The following HOOK3 variants were observed in gnomAD, a reference collection of about 807,000 sequenced individuals.
The protein encoded by HOOK3 is hook microtubule tethering protein 3, also known as protein Hook homolog 3.
Under a neutral mutation model 116.3 loss-of-function variants are expected in HOOK3, and 24 were observed. The ratio of observed to expected loss-of-function variants is 0.21; its 90% CI spans 0.15 to 0.29. The LOEUF (loss-of-function observed/expected upper bound fraction) is 0.29. Ranked by LOEUF, HOOK3 falls within the 10% of genes least tolerant of loss-of-function variation. The probability of loss-of-function intolerance (pLI) is 1.00; values close to 1 mark genes in which losing one functional copy is unlikely to be tolerated. For missense variants in HOOK3, 632 were observed against 830.2 expected (o/e 0.76, Z 2.93); for synonymous variants, 275 against 283.0 (o/e 0.97, Z 0.28).
intron 7 of HOOK3, among the ~76,000 whole-genome samples, chr8:42,958,599 T>A (rs976961345): frequency 7.0e-6 from 1 of 142,662 alleles, no homozygotes; most frequent in Non-Finnish European, 1.5e-5. Context: ...TTTGATAGTT[T>A]TTTTTTTTTT....
At chr8:42,993,827 T>C (rs1809214010) in intron 15 of HOOK3, among the ~76,000 whole-genome samples, 3 of 152,188 alleles carry the variant, frequency 2.0e-5, no homozygotes. Flanking sequence ...TTTGAATTTC[T>C]CCGGTATCAG....
At chr8:42,967,808 G>C (rs1808658943) in intron 10 of HOOK3, among the ~76,000 whole-genome samples, 1 of 151,230 alleles carries the variant, frequency 6.6e-6, no homozygotes, top group Non-Finnish European at 1.5e-5. Context: ...GCCCTCTCCT[G>C]CTTGGTTTCC....
intron 13 of HOOK3, among the ~76,000 whole-genome samples, chr8:42,979,036 T>C (rs1808883013): frequency 6.6e-6 from 1 of 152,244 alleles, no homozygotes; most frequent in Middle Eastern, 3.4e-3. Flanking sequence ...GGAAGGAAGA[T>C]TTCTTGAGTC....
intron 11 of HOOK3, among the ~76,000 whole-genome samples, chr8:42,972,558 C>T (rs369514735): frequency 6.6e-6 from 1 of 152,134 alleles, no homozygotes; most frequent in Non-Finnish European, 1.5e-5. Context: ...ACATGTGCCA[C>T]CACACCCAGC....
At chr8:42,948,689 G>T (rs180761706) in intron 5 of HOOK3, among the ~76,000 whole-genome samples, 62 of 152,226 alleles carry the variant, frequency 4.1e-4, no homozygotes, top group Non-Finnish European at 7.5e-4. Context: ...CATAGCCTTT[G>T]AATTCTGTGT....
intron 6 of HOOK3, 125 bp from the exon 7 acceptor site, chr8:42,956,969 A>G: frequency 2.0e-6 from 1 of 490,536 alleles, no homozygotes; most frequent in East Asian, 3.4e-5. Context: ...AGTGTTTTAC[A>G]TGCATGTTTT....
In HOOK3 at chr8:43,024,327, G is replaced by A. The variant is rs2130504509; in HGVS notation, c.*5829G>A. The A allele has an allele frequency of 5.1e-6, 1 of 196,476 alleles. No homozygotes were observed. Among genetic ancestry groups the A allele is most frequent in the South Asian group, 1.9e-4 (1 of 5,192 alleles). The allele number at this position is 196,476 out of a possible 1,614,324, so 12.2% of individuals were successfully genotyped here. ...TGTACTTCTCAACAGTGAAGCCTGT[G>A]TAATACCATACAGTAGGATGAAAGA... is the stretch of plus-strand genomic sequence containing the variant. On this transcript the variant is annotated 3_prime_UTR_variant, in exon 22 of 22. Coordinates refer to ENST00000307602, the MANE Select transcript of HOOK3 (RefSeq NM_032410.4).
intron 2 of HOOK3, among the ~76,000 whole-genome samples, chr8:42,913,220 T>C (rs1360263987): frequency 6.6e-6 from 1 of 152,184 alleles, no homozygotes; most frequent in Admixed American, 6.5e-5. Flanking sequence ...ATCCCCACAA[T>C]CAAGGCAATG....
At chr8:42,938,149 T>G (rs900024733) in intron 4 of HOOK3, among the ~76,000 whole-genome samples, 19 of 152,250 alleles carry the variant, frequency 1.2e-4, no homozygotes, top group African/African-American at 4.6e-4. Flanking sequence ...TGTAATGGCC[T>G]TCTTTGTCTC....
In HOOK3 at chr8:43,018,532, C is replaced by A. The variant is rs1321946941; in HGVS notation, c.*34C>A. 3.2e-6 allele frequency: 5 copies of A among 1,568,070 alleles called. No individual in the cohort carries two copies. In the Admixed American group the frequency reaches 8.1e-5, roughly 25 times the overall value. ...TGCCGCTCAATCACAGACACCTGCA[C>A]CCACAACATACTTCTGTTACACACA... is the stretch of plus-strand genomic sequence containing the variant. On this transcript the variant is annotated 3_prime_UTR_variant, in exon 22 of 22. Transcript: ENST00000307602.
intron 2 of HOOK3, among the ~76,000 whole-genome samples, chr8:42,911,200 C>T (rs550294763): frequency 3.0e-4 from 45 of 152,140 alleles, no homozygotes; most frequent in Admixed American, 6.5e-4. Context: ...GCCTGTAATC[C>T]CAGCACTTTG....
chr8:42,919,628 G>T (rs912798633), intron 2 of HOOK3, among the ~76,000 whole-genome samples: 2 of 152,180 alleles, frequency 1.3e-5, no homozygotes, highest in African/African-American at 4.8e-5. Flanking sequence ...CCGAGATTAC[G>T]CCACTGCACT....
intron 15 of HOOK3, among the ~76,000 whole-genome samples, chr8:42,994,959 A>T (rs1809238006): frequency 1.3e-5 from 2 of 152,220 alleles, no homozygotes. Context: ...ATAATCTTTT[A>T]GTTGAATACA....
At chr8:42,965,333 G>T (rs1004111131) in intron 9 of HOOK3, among the ~76,000 whole-genome samples, 1 of 152,002 alleles carries the variant, frequency 6.6e-6, no homozygotes, top group African/African-American at 2.4e-5. Context: ...ATATACGTGT[G>T]TGTGTGTGTA....
intron 1 of HOOK3, among the ~76,000 whole-genome samples, chr8:42,898,909 A>G (rs943028283): frequency 1.3e-5 from 2 of 152,242 alleles, no homozygotes; most frequent in Non-Finnish European, 2.9e-5. Context: ...GGGCAAAATC[A>G]TCTACCACAA....
intron 4 of HOOK3, among the ~76,000 whole-genome samples, chr8:42,942,742 C>T (rs991386436): frequency 6.6e-6 from 1 of 152,180 alleles, no homozygotes; most frequent in Non-Finnish European, 1.5e-5. Flanking sequence ...TGATTGGAAT[C>T]TGAGTTGGGG....
chr8:42,930,189 C>A lies in HOOK3; in HGVS notation c.267+17C>A. The A allele has an allele frequency of 2.0e-6, 3 of 1,519,498 alleles. No individual in the cohort carries two copies. The highest frequency in any genetic ancestry group is 2.7e-6 in the Non-Finnish European group (3 of 1,130,280). 94.1% of individuals were successfully genotyped at this position (1,519,498 alleles called of 1,614,324 possible). On this transcript the variant is annotated intron_variant, in intron 4 of 21. Transcript: ENST00000307602. The stretch of plus-strand genomic sequence containing the variant: ...AATCATGAGGTAAAGACTTTTTTCT[C>A]ATTCTGCTTAGAAGTGTTACTATCG...
intron 10 of HOOK3, among the ~76,000 whole-genome samples, chr8:42,967,619 C>T (rs1808655635): frequency 6.6e-6 from 1 of 152,038 alleles, no homozygotes; most frequent in Non-Finnish European, 1.5e-5. Context: ...TTACTCTCTC[C>T]TTCCCACTAG....
chr8:42,983,947 A>G (rs1300366150), intron 14 of HOOK3, among the ~76,000 whole-genome samples: 1 of 152,180 alleles, frequency 6.6e-6, no homozygotes, highest in East Asian at 1.9e-4. Context: ...CTTCTTCATA[A>G]ACTCCTTGGT....
Sources: allele counts gnomAD v4.1 joint callset (sites outside exome capture counted in the v4.1 genomes callset), GRCh38; gene constraint gnomAD v4.1.1; transcripts MANE v1.5; gene names NCBI Gene and HGNC (gene_info 2026-07-23, HGNC 2026-07-21).